The following CSMD1 variants were observed in gnomAD, a reference collection of about 807,000 sequenced individuals.
CSMD1 encodes the protein CUB and sushi domain-containing protein 1.
In CSMD1, 213 loss-of-function variants were observed where a neutral mutation model predicts 417.5. The observed-to-expected ratio is 0.51, with a 90% CI of 0.46 to 0.57. CSMD1 has a LOEUF of 0.57. CSMD1 is among the 20% of genes least tolerant of loss of function. The pLI is 0.00. For missense variants in CSMD1, 6,923 were observed against 4,529.7 expected (o/e 1.53, Z -15.17); for synonymous variants, 2,862 against 1,736.8 (o/e 1.65, Z -16.11).
chr8:4,806,648 C>T (rs1798604053), intron 1 of CSMD1, among the ~76,000 whole-genome samples: 1 of 152,140 alleles, frequency 6.6e-6, no homozygotes, highest in African/African-American at 2.4e-5. Context: ...ATCCTGAAAC[C>T]ATACAAAGAA....
intron 1 of CSMD1, among the ~76,000 whole-genome samples, chr8:4,662,603 C>T (rs908392256): frequency 1.3e-5 from 2 of 152,154 alleles, no homozygotes; most frequent in African/African-American, 4.8e-5. Flanking sequence ...CCAGTCTTGA[C>T]GGCTACGATT....
In CSMD1 at chr8:3,315,476, CTT is replaced by C. The variant is rs1429443210; in HGVS notation, c.3632-6975_3632-6974del. On this transcript the variant is annotated intron_variant, in intron 23 of 69. Coordinates refer to ENST00000635120, the MANE Select transcript of CSMD1 (RefSeq NM_033225.6). ...TGTGTGTGTGTGATTTTTAAACTATCTTTTAAATTATTTATGGTTTTTTAAGC... is the reference window on the plus strand; with the variant it reads ...TGTGTGTGTGTGATTTTTAAACTATCTTAAATTATTTATGGTTTTTTAAGC... Among the ~76,000 whole-genome samples the C allele has an allele frequency of 2.4e-3, 253 of 105,528 alleles. 1 individual carries two copies. The highest frequency in any genetic ancestry group is 7.7e-3 in the African/African-American group (239 of 30,880). 69.2% of individuals were successfully genotyped at this position (105,528 alleles called of 152,430 possible). A position where few individuals can be genotyped will look rare whatever the true frequency, so the allele number is the denominator to read the frequency against.
intron 1 of CSMD1, among the ~76,000 whole-genome samples, chr8:4,929,471 G>C (rs779622007): frequency 8.5e-5 from 13 of 152,102 alleles, no homozygotes; most frequent in Non-Finnish European, 1.5e-4. Flanking sequence ...CTATGCATAG[G>C]GTCGTGAAAA....
At chr8:4,509,826 T>A (rs1462772417) in intron 2 of CSMD1, among the ~76,000 whole-genome samples, 1 of 152,176 alleles carries the variant, frequency 6.6e-6, no homozygotes, top group East Asian at 1.9e-4. Context: ...AGCATTGGGA[T>A]GTTAAATTGC....
chr8:3,327,930 T>A (rs1265150386), intron 23 of CSMD1, among the ~76,000 whole-genome samples: 7 of 152,230 alleles, frequency 4.6e-5, no homozygotes, highest in African/African-American at 1.7e-4. Flanking sequence ...TTGAACTCTG[T>A]AAATGACCAA....
At position 3,951,480 on chromosome 8, in the gene CSMD1, A is replaced by G. The variant is rs12056817; in HGVS notation, c.818+46423T>C. On this transcript the variant is annotated intron_variant, in intron 5 of 69. Transcript: ENST00000635120. ...ATTTTCCTCCGCTTGTGGGATTCCA[A>G]CTGCTTGAATAACAACTGGTTGACC... Among the ~76,000 whole-genome samples, 6 of 152,306 alleles carry G rather than the reference A, an allele frequency of 3.9e-5. No homozygotes were observed. The East Asian group carries it at 5.8e-4, about 15-fold the overall frequency.
At chr8:3,794,222 G>A (rs530237628) in intron 5 of CSMD1, among the ~76,000 whole-genome samples, 21 of 152,232 alleles carry the variant, frequency 1.4e-4, no homozygotes, top group Admixed American at 6.5e-4. Context: ...TTCCTTCTTG[G>A]GACAATCCTG....
chr8:4,125,367 T>A (rs945358923), intron 3 of CSMD1, among the ~76,000 whole-genome samples: 18 of 152,198 alleles, frequency 1.2e-4, no homozygotes, highest in African/African-American at 4.3e-4. Flanking sequence ...ACTTGTGACC[T>A]GCAGGTCCCC....
At chr8:4,114,094 G>A (rs1479323337) in intron 3 of CSMD1, among the ~76,000 whole-genome samples, 5 of 152,206 alleles carry the variant, frequency 3.3e-5, no homozygotes, top group Non-Finnish European at 5.9e-5. Context: ...CCTTATGTAG[G>A]AAGAAGATGC....
intron 7 of CSMD1, among the ~76,000 whole-genome samples, chr8:3,635,991 G>C (rs1797027054): frequency 6.6e-6 from 1 of 151,972 alleles, no homozygotes; most frequent in African/African-American, 2.4e-5. Flanking sequence ...ATAACACTTA[G>C]CTTGAAACAC....
chr8:4,991,185 A>G (rs1563945451), intron 1 of CSMD1, among the ~76,000 whole-genome samples: 1 of 152,356 alleles, frequency 6.6e-6, no homozygotes, highest in South Asian at 2.1e-4. Flanking sequence ...GATACGAGCC[A>G]GCATACACAG....
At chr8:3,399,265 G>A (rs957562091) in intron 16 of CSMD1, 126 bp downstream of exon 16, 1 of 780,306 alleles carries the variant, frequency 1.3e-6, no homozygotes, top group Non-Finnish European at 2.0e-6. Context: ...CCTGTTTCTG[G>A]TAAAGTGTGC....
intron 3 of CSMD1, among the ~76,000 whole-genome samples, chr8:4,154,008 C>G (rs76946142): frequency 6.6e-6 from 1 of 152,148 alleles, no homozygotes; most frequent in Admixed American, 6.6e-5. Context: ...GCTTTCCATC[C>G]TCATTTTGCA....
At chr8:3,526,906 C>T (rs956213053) in intron 10 of CSMD1, among the ~76,000 whole-genome samples, 1 of 152,076 alleles carries the variant, frequency 6.6e-6, no homozygotes, top group African/African-American at 2.4e-5. Flanking sequence ...TCCTAATATT[C>T]CTTTCATCTA....
intron 40 of CSMD1, among the ~76,000 whole-genome samples, chr8:3,149,810 G>A (rs958333585): frequency 6.6e-6 from 1 of 152,106 alleles, no homozygotes; most frequent in African/African-American, 2.4e-5. Flanking sequence ...GGAGGAAACT[G>A]GAGCCCCTGT....
chr8:4,451,224 G>T (rs1037440554), intron 2 of CSMD1, among the ~76,000 whole-genome samples: 3 of 152,096 alleles, frequency 2.0e-5, no homozygotes, highest in African/African-American at 7.2e-5. Flanking sequence ...TCAACTACTT[G>T]GGAGGCTAAG....
At chr8:3,878,679 T>C (rs115250924) in intron 5 of CSMD1, among the ~76,000 whole-genome samples, 1 of 152,208 alleles carries the variant, frequency 6.6e-6, no homozygotes, top group African/African-American at 2.4e-5. Context: ...ATTCAACTAG[T>C]CTGAGTTGCT....
At chr8:3,699,997 T>A (rs1800764781) in intron 7 of CSMD1, among the ~76,000 whole-genome samples, 1 of 151,738 alleles carries the variant, frequency 6.6e-6, no homozygotes, top group Non-Finnish European at 1.5e-5. Context: ...CACCTGAGCA[T>A]CTGTTGTGTT....
intron 3 of CSMD1, among the ~76,000 whole-genome samples, chr8:4,128,163 T>C (rs1412608308): frequency 6.6e-6 from 1 of 151,928 alleles, no homozygotes; most frequent in Non-Finnish European, 1.5e-5. Context: ...AAGTTTGCAC[T>C]CTTGGTCGGG....
Sources: allele counts gnomAD v4.1 joint callset (sites outside exome capture counted in the v4.1 genomes callset), GRCh38; gene constraint gnomAD v4.1.1; transcripts MANE v1.5; gene names NCBI Gene and HGNC (gene_info 2026-07-23, HGNC 2026-07-21).